Variants in AAMDC observed in about 807,000 individuals in gnomAD.
The protein encoded by AAMDC is mth938 domain-containing protein.
In AAMDC, 16 loss-of-function variants were observed where a neutral mutation model predicts 15.5. The observed-to-expected ratio is 1.03, with a 90% confidence interval of 0.70 to 1.57. The LOEUF (loss-of-function observed/expected upper bound fraction) is 1.57. Ranked by LOEUF, AAMDC falls within the 40% of genes most tolerant of loss-of-function variation. AAMDC has a pLI of 0.00. For synonymous variants in AAMDC, 51 were observed against 51.6 expected (o/e 0.99, Z 0.05); for missense variants, 141 against 144.9 (o/e 0.97, Z 0.14).
intron 3 of AAMDC, among the ~76,000 whole-genome samples, chr11:77,871,044 A>G (rs947343869): frequency 3.3e-5 from 5 of 152,052 alleles, no homozygotes; most frequent in Non-Finnish European, 7.4e-5. Flanking sequence ...GGCTCAAGCA[A>G]TCCTCCCATT....
At chr11:77,865,971 T>C (rs927535666) in intron 2 of AAMDC, among the ~76,000 whole-genome samples, 4 of 152,076 alleles carry the variant, frequency 2.6e-5, no homozygotes, top group African/African-American at 9.7e-5. Flanking sequence ...AGACAAGCAA[T>C]AATGAGAATG....
In AAMDC at chr11:77,844,204, A is replaced by C. The variant is rs184539394; in HGVS notation, c.132+1576A>C. ...CTTTTGGGCTTCTTATAAGGGCACT[A>C]ATCTCATTCATGAGGGCTCTACCCT... On this transcript the variant is annotated intron_variant, in intron 2 of 3. Coordinates refer to ENST00000393427, the MANE Select transcript of AAMDC (RefSeq NM_024684.4). Among the ~76,000 whole-genome samples, 407 of 152,308 alleles carry C rather than the reference A, an allele frequency of 2.7e-3. 4 individuals carry two copies. Among genetic ancestry groups the C allele is most frequent in the African/African-American group, 9.4e-3 (390 of 41,560 alleles).
chr11:77,905,766 CCA>C (rs1399495196), intron 3 of AAMDC, among the ~76,000 whole-genome samples: 1 of 152,182 alleles, frequency 6.6e-6, no homozygotes, highest in African/African-American at 2.4e-5. Context: ...TTTCAGATGA[CCA>C]CAGTTAAAAA....
chr11:77,836,614 A>G (rs1028621002), intron 1 of AAMDC, among the ~76,000 whole-genome samples: 1 of 152,158 alleles, frequency 6.6e-6, no homozygotes, highest in African/African-American at 2.4e-5. Flanking sequence ...TCCTCAAAAC[A>G]TACTCGTTAT....
chr11:77,901,263 T>C (rs1325061935), downstream of AAMDC: 1 of 811,278 alleles, frequency 1.2e-6, no homozygotes, highest in Non-Finnish European at 2.1e-6. Flanking sequence ...AACAACAGAA[T>C]TTGTAATATC....
At chr11:77,872,732 G>GAGGTCAGGAGTTCAACCCCAGCCT (rs1256772266), downstream of AAMDC, among the ~76,000 whole-genome samples, 1 of 152,144 alleles carries the variant, frequency 6.6e-6, no homozygotes, top group East Asian at 1.9e-4. Context: ...CAGATCACTT[G>GAGGTCAGGAGTTCAACCCCAGCCT]AGGTCAGGAG....
At chr11:77,870,031 C>T in intron 3 of AAMDC, 1 of 376,230 alleles carries the variant, frequency 2.7e-6, no homozygotes, top group Non-Finnish European at 4.8e-6. Flanking sequence ...TCAACTATTT[C>T]TCAGAATCCC....
At position 77,833,009 on chromosome 11, in the gene AAMDC, A is replaced by ATATAT. The variant is rs372585188; in HGVS notation, c.-18-9469_-18-9468insATATT. ...TGTGTGTGTGTGTGTATATATATAT[A>ATATAT]TTTTTTTTTTTTTTTTTTTTGAGAC... On this transcript the variant is annotated intron_variant, in intron 1 of 3. Coordinates refer to ENST00000393427, the MANE Select transcript of AAMDC (RefSeq NM_024684.4). 1.7e-4 allele frequency among the ~76,000 whole-genome samples: 10 copies of ATATAT among 60,022 alleles called. 1 individual carries two copies. Among genetic ancestry groups the ATATAT allele is most frequent in the African/African-American group, 6.3e-4 (9 of 14,214 alleles). The allele number at this position is 60,022 out of a possible 152,430, so 39.4% of individuals were successfully genotyped here.
intron 1 of AAMDC, chr11:77,841,097 G>T: frequency 1.5e-6 from 1 of 670,172 alleles, no homozygotes; most frequent in South Asian, 1.6e-5. Context: ...TATAGTGGAA[G>T]TCATCACATG....
chr11:77,875,835 A>G (rs1022720297), downstream of AAMDC, among the ~76,000 whole-genome samples: 2 of 152,204 alleles, frequency 1.3e-5, no homozygotes, highest in Non-Finnish European at 2.9e-5. Context: ...TCCCAGGCTC[A>G]GCAGGTCCAA....
At chr11:77,887,980 T>G (rs1184752883) in intron 5 of AAMDC, among the ~76,000 whole-genome samples, 1 of 152,130 alleles carries the variant, frequency 6.6e-6, no homozygotes, top group Admixed American at 6.6e-5. Context: ...ATCAATATTG[T>G]GAAAATGGCC....
intron 5 of AAMDC, among the ~76,000 whole-genome samples, chr11:77,886,900 C>T (rs1013234730): frequency 5.8e-4 from 88 of 152,082 alleles, no homozygotes; most frequent in Non-Finnish European, 1.1e-3. Flanking sequence ...TTGAAACCAA[C>T]GAGAACAAAG....
intron 2 of AAMDC, among the ~76,000 whole-genome samples, chr11:77,848,588 G>C (rs1387348187): frequency 6.6e-6 from 1 of 152,176 alleles, no homozygotes; most frequent in Non-Finnish European, 1.5e-5. Flanking sequence ...TCGAACGCCT[G>C]ACCTCAGGTG....
At chr11:77,823,900 T>C (rs868101331) in intron 1 of AAMDC, among the ~76,000 whole-genome samples, 1 of 151,952 alleles carries the variant, frequency 6.6e-6, no homozygotes, top group East Asian at 1.9e-4. Flanking sequence ...TCCAGTGAGG[T>C]TGTGAAATAA....
chr11:77,882,646 G>C (rs930271462), intron 5 of AAMDC, among the ~76,000 whole-genome samples: 15 of 152,260 alleles, frequency 9.9e-5, no homozygotes, highest in Admixed American at 9.2e-4. Context: ...AGCACGTCCT[G>C]GGTAGCAGAA....
chr11:77,874,179 G>A (rs1951535135), downstream of AAMDC, among the ~76,000 whole-genome samples: 1 of 152,188 alleles, frequency 6.6e-6, no homozygotes, highest in Non-Finnish European at 1.5e-5. Flanking sequence ...AAGCAGACGG[G>A]AGTGAGTGCT....
chr11:77,875,609 C>G (rs1951573467), downstream of AAMDC, among the ~76,000 whole-genome samples: 1 of 152,170 alleles, frequency 6.6e-6, no homozygotes, highest in Admixed American at 6.5e-5. Context: ...TATTCCTTTA[C>G]TTTTCCTGCC....
intron 2 of AAMDC, among the ~76,000 whole-genome samples, chr11:77,858,841 T>C (rs1325518611): frequency 6.6e-6 from 1 of 152,202 alleles, no homozygotes; most frequent in East Asian, 1.9e-4. Flanking sequence ...GGGACTCCAT[T>C]TGAAGAACGA....
chr11:77,865,646 A>G (rs1420034057), intron 2 of AAMDC, among the ~76,000 whole-genome samples: 1 of 152,252 alleles, frequency 6.6e-6, no homozygotes, highest in Non-Finnish European at 1.5e-5. Flanking sequence ...GGATTTTGAA[A>G]GAACAACTAG....
Sources: allele counts gnomAD v4.1 joint callset (sites outside exome capture counted in the v4.1 genomes callset), GRCh38; gene constraint gnomAD v4.1.1; transcripts MANE v1.5; gene names NCBI Gene and HGNC (gene_info 2026-07-23, HGNC 2026-07-21).